The following ZNF398 variants were observed in gnomAD, a reference collection of about 807,000 sequenced individuals.
The protein encoded by ZNF398 is zinc finger protein 398.
Under a neutral mutation model 41.9 loss-of-function variants are expected in ZNF398, and 18 were observed. The ratio of observed to expected loss-of-function variants is 0.43; its 90% CI spans 0.30 to 0.64. ZNF398 has a LOEUF of 0.64. ZNF398 is among the 30% of genes least tolerant of loss of function. The pLI is 0.14. For synonymous variants in ZNF398, 260 were observed against 308.8 expected, an observed-to-expected ratio of 0.84 and a Z score of 1.66; for missense variants, 669 against 822.8, an observed-to-expected ratio of 0.81 and a Z score of 2.29.
At chr7:149,155,229 GGCCA>G (rs1253695062) in intron 2 of ZNF398, among the ~76,000 whole-genome samples, 4 of 152,170 alleles carry the variant, frequency 2.6e-5, no homozygotes, top group Non-Finnish European at 5.9e-5. Flanking sequence ...AGACTGGCCT[GGCCA>G]ACAAGGCGAA....
chr7:149,151,109 C>A, intron 1 of ZNF398: 1 of 479,674 alleles, frequency 2.1e-6, no homozygotes, highest in Non-Finnish European at 2.9e-6. Context: ...TGGAATGGGA[C>A]AAGCGGCATG....
chr7:149,170,165 C>CAA (rs2129521391), intron 4 of ZNF398, among the ~76,000 whole-genome samples: 1 of 152,304 alleles, frequency 6.6e-6, no homozygotes, highest in African/African-American at 2.4e-5. Context: ...CACTGTTTGA[C>CAA]AAACACAATC....
intron 2 of ZNF398, among the ~76,000 whole-genome samples, chr7:149,135,166 T>C (rs1395338244): frequency 6.6e-6 from 1 of 152,070 alleles, no homozygotes; most frequent in Admixed American, 6.6e-5. Context: ...AAGTCCTTTG[T>C]TGGATATATG....
rs1355041326 is a variant in ZNF398, at chr7:149,169,514, T to C, written c.661+2584T>C. The stretch of plus-strand genomic sequence containing the variant: ...GTGCCATGATCAGAGTGCAGTGCCA[T>C]GATCTGAGATCAGTGCAGCCTGTGC... On this transcript the variant is annotated intron_variant, in intron 4 of 5. Transcript: ENST00000475153. Among the ~76,000 whole-genome samples, 5 of 152,196 alleles carry C rather than the reference T, an allele frequency of 3.3e-5. No homozygotes were observed. In the East Asian group the frequency reaches 9.6e-4, roughly 29 times the overall value.
intron 2 of ZNF398, among the ~76,000 whole-genome samples, chr7:149,165,912 C>A (rs74594493): frequency 6.6e-6 from 1 of 152,220 alleles, no homozygotes; most frequent in East Asian, 1.9e-4. Flanking sequence ...CCAAAATACT[C>A]GAATGTGCCT....
intron 2 of ZNF398, among the ~76,000 whole-genome samples, chr7:149,157,926 G>A (rs528897399): frequency 6.6e-6 from 1 of 151,156 alleles, no homozygotes; most frequent in African/African-American, 2.4e-5. Flanking sequence ...CTGGGCCAGC[G>A]CCGTGGCTCA....
chr7:149,142,620 T>G (rs531177544), upstream of ZNF398, among the ~76,000 whole-genome samples: 31 of 152,278 alleles, frequency 2.0e-4, no homozygotes, highest in African/African-American at 7.5e-4. Context: ...TGAGCCAAGA[T>G]CGCGCCACTG....
intron 2 of ZNF398, among the ~76,000 whole-genome samples, chr7:149,135,735 C>T (rs1194684833): frequency 1.3e-5 from 2 of 152,052 alleles, no homozygotes; most frequent in Non-Finnish European, 2.9e-5. Context: ...AGACAGATCA[C>T]TTGAGGTAAG....
rs1232627191 is a variant in ZNF398, at chr7:149,179,961, G to A, written c.*160G>A. 2 of 643,570 alleles carry A rather than the reference G, an allele frequency of 3.1e-6. No homozygotes were observed. The highest frequency in any genetic ancestry group is 3.4e-5 in the Admixed American group (1 of 29,366). 39.9% of individuals were successfully genotyped at this position (643,570 alleles called of 1,614,324 possible). ...TTGACTAGAGACATGCTTGTGTTTT[G>A]GAATTTCACACCCTTACAAGAATAC... On this transcript the variant is annotated 3_prime_UTR_variant, in exon 6 of 6. Transcript: ENST00000475153. The surrounding 1 kb of genome is among the most constrained non-coding windows in gnomAD (Gnocchi z 6.1).
intron 2 of ZNF398, among the ~76,000 whole-genome samples, chr7:149,163,508 G>A (rs576283498): frequency 5.8e-4 from 88 of 152,202 alleles, no homozygotes; most frequent in Middle Eastern, 6.8e-3. Context: ...AGGTAGTTGG[G>A]ACTACAGGCC....
chr7:149,139,502 C>G (rs1420638547), intron 2 of ZNF398, among the ~76,000 whole-genome samples: 2 of 151,512 alleles, frequency 1.3e-5, no homozygotes, highest in Non-Finnish European at 2.9e-5. Flanking sequence ...GCGGGCACAT[C>G]ATGACGTCAG....
chr7:149,170,773 C>T (rs1209687262), intron 4 of ZNF398, among the ~76,000 whole-genome samples: 2 of 152,020 alleles, frequency 1.3e-5, no homozygotes, highest in African/African-American at 2.4e-5. Context: ...CTATAGGGCA[C>T]TTGCCATGAA....
chr7:149,177,143 T>A (rs1490531777), intron 5 of ZNF398, among the ~76,000 whole-genome samples: 1 of 152,186 alleles, frequency 6.6e-6, no homozygotes, highest in Non-Finnish European at 1.5e-5. Flanking sequence ...TTTTCTGTGC[T>A]CTGTGTTCTT....
At position 149,135,248 on chromosome 7, in the gene ZNF398, G is replaced by C. The variant is rs144442322; in HGVS notation, c.-490+6304G>C. 1.6e-3 allele frequency among the ~76,000 whole-genome samples: 240 copies of C among 151,790 alleles called. 1 individual carries two copies. The highest frequency in any genetic ancestry group is 5.1e-3 in the African/African-American group (212 of 41,398). On this transcript the variant is annotated intron_variant, in intron 2 of 6. Transcript: ENST00000426851. Reference sequence around the variant, plus strand: ...ACTAAAAATACCAAAAAAATAGCCGGGCGTCGTGGCAGGTGCCCGTAGTCC... The same window carrying C: ...ACTAAAAATACCAAAAAAATAGCCGCGCGTCGTGGCAGGTGCCCGTAGTCC...
In ZNF398 at chr7:149,147,548, C is replaced by T; in HGVS notation, c.-195C>T. ...CCCCAGCTTGATCCGCCGCCTGCTG[C>T]ACCGCGCCTCCGCCGCGTTCCTGCG... On this transcript the variant is annotated 5_prime_UTR_variant, in exon 1 of 6. Coordinates refer to ENST00000475153, the MANE Select transcript of ZNF398 (RefSeq NM_170686.3). This position sits in a 1 kb window ranked among gnomAD's most constrained non-coding sequence, Gnocchi z 5.6. 2.2e-6 allele frequency: 1 copy of T among 449,096 alleles called. No individual in the cohort carries two copies. Among genetic ancestry groups the T allele is most frequent in the Non-Finnish European group, 3.4e-6 (1 of 291,696 alleles). The allele number at this position is 449,096 out of a possible 1,614,324, so 27.8% of individuals were successfully genotyped here.
intron 4 of ZNF398, among the ~76,000 whole-genome samples, chr7:149,172,453 C>T (rs1043192534): frequency 1.3e-5 from 2 of 152,036 alleles, no homozygotes; most frequent in African/African-American, 4.8e-5. Context: ...CCGCGCTCCC[C>T]CCCTTTTTAA....
chr7:149,165,707 G>A (rs1417324791), intron 2 of ZNF398, among the ~76,000 whole-genome samples: 1 of 152,182 alleles, frequency 6.6e-6, no homozygotes, highest in African/African-American at 2.4e-5. Context: ...ACGATGAACA[G>A]CATCAAAGGG....
rs183319454 is a variant in ZNF398 at position 149,181,958 on chromosome 7, G to T, written c.*2157G>T. On this transcript the variant is annotated 3_prime_UTR_variant, in exon 6 of 6. Coordinates refer to ENST00000475153, the MANE Select transcript of ZNF398 (RefSeq NM_170686.3). The stretch of plus-strand genomic sequence containing the variant: ...GAAAAGGGAGAAGAGCCAAAGTATT[G>T]TCTAGGTGCTGAGTTCCCTTTTCTG... The T allele has an allele frequency of 1.2e-4, 19 of 152,310 alleles. No homozygotes were observed. The East Asian group carries it at 3.7e-3, about 29-fold the overall frequency. 9.4% of individuals were successfully genotyped at this position (152,310 alleles called of 1,614,324 possible). A position where few individuals can be genotyped will look rare whatever the true frequency, so the allele number is the denominator to read the frequency against.
intron 2 of ZNF398, among the ~76,000 whole-genome samples, chr7:149,157,613 G>A (rs1480111451): frequency 2.0e-5 from 3 of 151,940 alleles, no homozygotes; most frequent in East Asian, 1.9e-4. Flanking sequence ...GCCAAGGCAG[G>A]CGTATCACGA....
Sources: allele counts gnomAD v4.1 joint callset (sites outside exome capture counted in the v4.1 genomes callset), GRCh38; gene constraint gnomAD v4.1.1; non-coding constraint Gnocchi (gnomAD v3.1); transcripts MANE v1.5; gene names NCBI Gene and HGNC (gene_info 2026-07-23, HGNC 2026-07-21).